EZH2: variants seen among roughly 807,000 people sequenced by gnomAD.
EZH2 encodes histone-lysine N-methyltransferase EZH2.
Under a neutral mutation model 98.4 loss-of-function variants are expected in EZH2, and 18 were observed. The ratio of observed to expected loss-of-function variants is 0.18; its 90% CI spans 0.13 to 0.27. The LOEUF is 0.27. Among genes scored for constraint, EZH2 ranks in the 10% least tolerant of loss-of-function variants. The pLI, the probability that EZH2 is intolerant of heterozygous loss-of-function variation, is 1.00. For missense variants in EZH2, 470 were observed against 935.1 expected (o/e 0.50, Z 6.49); for synonymous variants, 338 against 312.3 (o/e 1.08, Z -0.87).
intron 1 of EZH2, among the ~76,000 whole-genome samples, chr7:148,877,256 T>C (rs1820300969): frequency 6.6e-6 from 1 of 152,216 alleles, no homozygotes; most frequent in Non-Finnish European, 1.5e-5. Context: ...TACGCTTTCA[T>C]TTTATAAATG....
intron 1 of EZH2, among the ~76,000 whole-genome samples, chr7:148,866,655 T>A (rs999742897): frequency 7.5e-5 from 11 of 147,030 alleles, no homozygotes; most frequent in Admixed American, 1.4e-4. Flanking sequence ...TATACGTATA[T>A]ACGTATATGC....
chr7:148,858,796 GA>G (rs199895370), intron 1 of EZH2, among the ~76,000 whole-genome samples: 12 of 150,506 alleles, frequency 8.0e-5, no homozygotes, highest in African/African-American at 1.7e-4. Context: ...AATTTAAAAG[GA>G]AAAAAAAAGA....
chr7:148,813,934 C>A (rs756465377), intron 15 of EZH2, 25 bp downstream of exon 15: 1 of 1,600,652 alleles, frequency 6.2e-7, no homozygotes. Flanking sequence ...TACAAACAAT[C>A]TTCCAGAAGT....
intron 1 of EZH2, among the ~76,000 whole-genome samples, chr7:148,877,587 G>A (rs1820350549): frequency 6.6e-6 from 1 of 152,122 alleles, no homozygotes; most frequent in Non-Finnish European, 1.5e-5. Flanking sequence ...GGGATGCTAA[G>A]ACATCAAGAG....
intron 1 of EZH2, among the ~76,000 whole-genome samples, chr7:148,861,988 G>C (rs941571866): frequency 6.6e-6 from 1 of 152,120 alleles, no homozygotes; most frequent in African/African-American, 2.4e-5. Context: ...AGAAAAGGGA[G>C]AGTGTTTGAA....
chr7:148,855,649 C>A (rs1816694669), intron 1 of EZH2, among the ~76,000 whole-genome samples: 1 of 152,016 alleles, frequency 6.6e-6, no homozygotes, highest in Non-Finnish European at 1.5e-5. Flanking sequence ...CCTGTAATCC[C>A]AGCACTTTGG....
At chr7:148,820,322 G>C (rs553403772) in intron 8 of EZH2, among the ~76,000 whole-genome samples, 1 of 152,096 alleles carries the variant, frequency 6.6e-6, no homozygotes, top group Non-Finnish European at 1.5e-5. Context: ...ATTCAAATGC[G>C]GGTACACTGC....
At chr7:148,832,162 C>T (rs1809565083) in intron 4 of EZH2, among the ~76,000 whole-genome samples, 2 of 152,218 alleles carry the variant, frequency 1.3e-5, no homozygotes, top group Non-Finnish European at 2.9e-5. Flanking sequence ...AATCTCAGCT[C>T]ACTACAACCT....
chr7:148,837,692 T>C (rs1381518760), intron 3 of EZH2, among the ~76,000 whole-genome samples: 1 of 152,082 alleles, frequency 6.6e-6, no homozygotes, highest in African/African-American at 2.4e-5. Flanking sequence ...GAAGGGAGAT[T>C]GAAGACGACA....
At chr7:148,852,108 G>C (rs1237760684) in intron 1 of EZH2, among the ~76,000 whole-genome samples, 1 of 152,146 alleles carries the variant, frequency 6.6e-6, no homozygotes, top group Non-Finnish European at 1.5e-5. Flanking sequence ...AAGTCTACCT[G>C]TATACAGTGA....
intron 19 of EZH2, among the ~76,000 whole-genome samples, chr7:148,808,315 C>T (rs1352970477): frequency 1.3e-5 from 2 of 152,230 alleles, no homozygotes; most frequent in African/African-American, 4.8e-5. Context: ...ACCCTGTCTG[C>T]CTCACTGAGA....
rs905464310 is a variant in EZH2 at position 148,820,196 on chromosome 7, A to G, written c.908-509T>C. ...AATTCCTGTGAATCATACCCAATCCAAGAACCTGGTGAGAGCTTATAGTGT... is the reference window on the plus strand; with the variant it reads ...AATTCCTGTGAATCATACCCAATCCGAGAACCTGGTGAGAGCTTATAGTGT... On this transcript the variant is annotated intron_variant, in intron 8 of 19. Transcript: ENST00000320356. Among the ~76,000 whole-genome samples the G allele has an allele frequency of 3.3e-5, 5 of 152,212 alleles. No individual in the cohort carries two copies. In the South Asian group the frequency reaches 8.3e-4, roughly 25 times the overall value.
rs753370009 is a variant in EZH2 at position 148,819,690 on chromosome 7, G to A, written c.908-3C>T. On this transcript the variant is annotated splice_polypyrimidine_tract_variant and splice_region_variant and intron_variant, in intron 8 of 19. Transcript: ENST00000320356. ...AGTGTTGGGTGTTGCATGAAAAGCTGCAAAATAAATGAAACAAAGAATCTA... is the reference window on the plus strand; with the variant it reads ...AGTGTTGGGTGTTGCATGAAAAGCTACAAAATAAATGAAACAAAGAATCTA... 10 of 1,612,834 alleles carry A rather than the reference G, an allele frequency of 6.2e-6. No individual in the cohort carries two copies. The highest frequency in any genetic ancestry group is 2.2e-5 in the South Asian group (2 of 90,944).
chr7:148,830,437 A>C (rs1809032250), intron 4 of EZH2, among the ~76,000 whole-genome samples: 1 of 152,138 alleles, frequency 6.6e-6, no homozygotes, highest in African/African-American at 2.4e-5. Context: ...AAGACTCCCA[A>C]ACTCCACTTG....
intron 19 of EZH2, 90 bp from the exon 20 acceptor site, chr7:148,807,796 G>A (rs1038145982): frequency 4.8e-6 from 3 of 627,942 alleles, no homozygotes; most frequent in African/African-American, 2.0e-5. Context: ...GAAGATAGTG[G>A]GTGCATTAAA....
chr7:148,830,400 T>C (rs1809020703), intron 4 of EZH2, among the ~76,000 whole-genome samples: 1 of 151,984 alleles, frequency 6.6e-6, no homozygotes, highest in African/African-American at 2.4e-5. Context: ...AGATCAACTA[T>C]AAAGACCCAT....
At chr7:148,883,201 C>CT (rs923030930) in intron 1 of EZH2, 7 of 152,320 alleles carry the variant, frequency 4.6e-5, no homozygotes, top group African/African-American at 1.7e-4. Flanking sequence ...ACTCACTAGG[C>CT]GTTCACCAAG....
chr7:148,833,293 C>A (rs1809907693), intron 3 of EZH2, among the ~76,000 whole-genome samples: 1 of 151,544 alleles, frequency 6.6e-6, no homozygotes, highest in African/African-American at 2.4e-5. Context: ...CCCGTCTCTA[C>A]TAAAAATACA....
intron 1 of EZH2, among the ~76,000 whole-genome samples, chr7:148,848,001 C>G (rs967854132): frequency 6.6e-6 from 1 of 152,144 alleles, no homozygotes. Context: ...TGTTTAAATG[C>G]GGGGACAGCT....
Sources: allele counts gnomAD v4.1 joint callset (sites outside exome capture counted in the v4.1 genomes callset), GRCh38; gene constraint gnomAD v4.1.1; transcripts MANE v1.5; gene names NCBI Gene and HGNC (gene_info 2026-07-23, HGNC 2026-07-21).